GNG4: variants seen among roughly 807,000 people sequenced by gnomAD.
The protein encoded by GNG4 is G protein subunit gamma 4, also known as guanine nucleotide-binding protein G(I)/G(S)/G(O) subunit gamma-4.
A neutral mutation model predicts 5.8 loss-of-function variants in GNG4; 4 were observed. The observed-to-expected ratio is 0.69, with a 90% CI of 0.34 to 1.57. The LOEUF (loss-of-function observed/expected upper bound fraction) is 1.57, where lower values mean the gene tolerates loss of function less well. Among genes scored for constraint, GNG4 ranks in the 40% most tolerant of loss-of-function variants. The probability of loss-of-function intolerance (pLI) is 0.06; values close to 1 mark genes in which losing one functional copy is unlikely to be tolerated. For missense variants in GNG4, 96 were observed against 95.1 expected, an observed-to-expected ratio of 1.01 and a Z score of -0.04; for synonymous variants, 29 against 32.9, an observed-to-expected ratio of 0.88 and a Z score of 0.41.
chr1:235,593,913 G>C (rs920776723), intron 2 of GNG4, among the ~76,000 whole-genome samples: 1 of 152,176 alleles, frequency 6.6e-6, no homozygotes, highest in East Asian at 1.9e-4. Context: ...AGCCTGCACA[G>C]CGTGCATGGG....
intron 1 of GNG4, chr1:235,614,524 T>C (rs1302312899): frequency 1.3e-5 from 2 of 152,216 alleles, no homozygotes; most frequent in Non-Finnish European, 2.9e-5. Flanking sequence ...AAATAAACAT[T>C]TTTGCCTGAC....
chr1:235,565,227 G>A (rs1263023565), intron 3 of GNG4, among the ~76,000 whole-genome samples: 3 of 152,092 alleles, frequency 2.0e-5, no homozygotes, highest in Non-Finnish European at 4.4e-5. Context: ...AGTTGGCCCA[G>A]CGCAGTGGCA....
intron 3 of GNG4, among the ~76,000 whole-genome samples, chr1:235,573,413 A>G (rs1359032873): frequency 6.6e-6 from 1 of 151,946 alleles, no homozygotes; most frequent in Non-Finnish European, 1.5e-5. Context: ...AATATGGCAC[A>G]CGTATACATA....
At position 235,644,089 on chromosome 1, in the gene GNG4, C is replaced by T. The variant is rs905406082; in HGVS notation, c.-123+5573G>A. Among the ~76,000 whole-genome samples the T allele has an allele frequency of 5.3e-5, 8 of 152,264 alleles. No homozygotes were observed. The highest frequency in any genetic ancestry group is 4.1e-4 in the South Asian group (2 of 4,822). Reference sequence around the variant, plus strand: ...CAAGTGGAGGGGAATGGCAGTGAAACGCCAAACTCCTACTGAAAGGTTGAT... The same window carrying T: ...CAAGTGGAGGGGAATGGCAGTGAAATGCCAAACTCCTACTGAAAGGTTGAT... On this transcript the variant is annotated intron_variant, in intron 1 of 3. Transcript: ENST00000391854. This position sits in a 1 kb window ranked among gnomAD's most constrained non-coding sequence, Gnocchi z 5.9.
In GNG4 at chr1:235,597,433, C is replaced by A. The variant is rs188986111; in HGVS notation, c.-122-1922G>T. Among the ~76,000 whole-genome samples, 422 of 150,874 alleles carry A rather than the reference C, an allele frequency of 2.8e-3. 4 individuals carry two copies. The highest frequency in any genetic ancestry group is 0.01 in the African/African-American group (411 of 41,056). ...AAATTCCTATATTGAAATCCAAAGC[C>A]CCAAGGTGATGCTGTTAGGAGGTGG... On this transcript the variant is annotated intron_variant, in intron 1 of 3. Transcript: ENST00000391854.
chr1:235,641,000 A>G (rs968513588), intron 1 of GNG4, among the ~76,000 whole-genome samples: 1 of 152,242 alleles, frequency 6.6e-6, no homozygotes, highest in East Asian at 1.9e-4. Context: ...TTACACTACC[A>G]AATACTCCTT....
intron 1 of GNG4, among the ~76,000 whole-genome samples, chr1:235,599,464 G>A (rs937228236): frequency 6.6e-6 from 1 of 151,802 alleles, no homozygotes; most frequent in Non-Finnish European, 1.5e-5. Context: ...TTACAGGCGC[G>A]AGCCAACACG....
At chr1:235,622,699 G>C (rs1373118336) in intron 1 of GNG4, among the ~76,000 whole-genome samples, 1 of 151,902 alleles carries the variant, frequency 6.6e-6, no homozygotes, top group Non-Finnish European at 1.5e-5. Context: ...TGGCCAACAT[G>C]GTGAAACCCC....
At chr1:235,557,710 G>A (rs1686954983) in intron 3 of GNG4, among the ~76,000 whole-genome samples, 1 of 152,152 alleles carries the variant, frequency 6.6e-6, no homozygotes, top group Admixed American at 6.5e-5. Flanking sequence ...CACTGGGGAA[G>A]CTGCACTATC....
At chr1:235,614,442 C>T (rs953587435) in intron 1 of GNG4, among the ~76,000 whole-genome samples, 1 of 151,530 alleles carries the variant, frequency 6.6e-6, no homozygotes, top group Non-Finnish European at 1.5e-5. Context: ...TTTTGAATTT[C>T]TCTCTCTCTC....
chr1:235,580,739 GTTTTTTGTTTTTT>G (rs1687610488), intron 3 of GNG4, among the ~76,000 whole-genome samples: 1 of 98,046 alleles, frequency 1.0e-5, no homozygotes, highest in African/African-American at 4.5e-5. Context: ...GGCCTATCCC[GTTTTTTGTTTTTT>G]TTTTTTTTTT....
At chr1:235,553,870 C>T (rs555023772) in intron 3 of GNG4, among the ~76,000 whole-genome samples, 5 of 152,144 alleles carry the variant, frequency 3.3e-5, no homozygotes, top group African/African-American at 9.7e-5. Flanking sequence ...AATTCAGGAG[C>T]GTTGGAGAGC....
In GNG4 at chr1:235,552,139, G is replaced by T. The variant is rs1037180132; in HGVS notation, c.198C>A (p.Arg66=). 2 of 1,613,894 alleles carry T rather than the reference G, an allele frequency of 1.2e-6. No individual in the cohort carries two copies. Among genetic ancestry groups the T allele is most frequent in the East Asian group, 4.5e-5 (2 of 44,878 alleles). ...IPVPASENPF[R]EKKFFCTIL is the part of the protein sequence containing the mutation. ...GAATGGTACAAAAGAACTTCTTCTC[G>T]CGAAAGGGGTTTTCTGATGCAGGCA... The change falls in exon 4 of 4, where the codon CGC becomes CGA. Residue 66 remains arginine, a synonymous_variant. Coordinates refer to ENST00000391854, the MANE Select transcript of GNG4 (RefSeq NM_001098722.2).
At chr1:235,621,603 T>G (rs964348630) in intron 1 of GNG4, among the ~76,000 whole-genome samples, 1 of 150,094 alleles carries the variant, frequency 6.7e-6, no homozygotes, top group Non-Finnish European at 1.5e-5. Context: ...CAAAAAAAAG[T>G]TGTCCGATAT....
intron 1 of GNG4, among the ~76,000 whole-genome samples, chr1:235,630,244 T>C (rs1211588959): frequency 6.6e-6 from 1 of 152,202 alleles, no homozygotes; most frequent in Non-Finnish European, 1.5e-5. Flanking sequence ...CAAAAGAGGC[T>C]GGTCATCTTT....
At chr1:235,607,937 ATTTTTTT>A (rs140271145) in intron 1 of GNG4, among the ~76,000 whole-genome samples, 1 of 132,760 alleles carries the variant, frequency 7.5e-6, no homozygotes, top group Non-Finnish European at 1.6e-5. Flanking sequence ...TGCTGTTTCT[ATTTTTTT>A]TTTTTTTTTT....
chr1:235,597,397 C>T (rs956948532), intron 1 of GNG4, among the ~76,000 whole-genome samples: 2 of 49,636 alleles, frequency 4.0e-5, no homozygotes, highest in African/African-American at 2.0e-4. Context: ...TATGTCCCCC[C>T]TACCCCCCCC....
intron 2 of GNG4, among the ~76,000 whole-genome samples, chr1:235,587,500 T>TGA (rs1687820362): frequency 1.7e-4 from 2 of 11,974 alleles, no homozygotes; most frequent in East Asian, 9.3e-3. Flanking sequence ...GGGGTGGGGG[T>TGA]GTGTGAATGT....
intron 3 of GNG4, among the ~76,000 whole-genome samples, chr1:235,573,779 A>T (rs557165997): frequency 1.3e-5 from 2 of 152,298 alleles, no homozygotes; most frequent in South Asian, 4.1e-4. Context: ...TCCATCTCAA[A>T]AAAAAGGAAA....
Sources: gnomAD v4.1 joint callset for allele counts (sites outside exome capture counted in the v4.1 genomes callset) on GRCh38, gnomAD v4.1.1 for gene constraint, Gnocchi (gnomAD v3.1) non-coding constraint, MANE v1.5 for transcripts, NCBI Gene and HGNC (gene_info 2026-07-23, HGNC 2026-07-21) for gene names.